Variants in XPO4 observed in about 807,000 individuals in gnomAD.
XPO4 encodes exportin 4.
Under a neutral mutation model 143.0 loss-of-function variants are expected in XPO4, and 39 were observed. That is an observed-to-expected ratio of 0.27 (90% CI 0.21 to 0.36). XPO4 has a LOEUF of 0.36. Ranked by LOEUF, XPO4 falls within the 10% of genes least tolerant of loss-of-function variation. The probability of loss-of-function intolerance (pLI) is 1.00; values close to 1 mark genes in which losing one functional copy is unlikely to be tolerated. For synonymous variants in XPO4, 439 were observed against 474.0 expected, an observed-to-expected ratio of 0.93 and a Z score of 0.96; for missense variants, 907 against 1,348.0, an observed-to-expected ratio of 0.67 and a Z score of 5.12.
intron 7 of XPO4, among the ~76,000 whole-genome samples, chr13:20,822,911 A>T (rs1229975038): frequency 6.6e-6 from 1 of 152,220 alleles, no homozygotes; most frequent in Non-Finnish European, 1.5e-5. Flanking sequence ...ACTTAAATCC[A>T]TTTAAAGCTA....
At chr13:20,880,482 A>G (rs971272020) in intron 1 of XPO4, among the ~76,000 whole-genome samples, 11 of 152,196 alleles carry the variant, frequency 7.2e-5, no homozygotes, top group African/African-American at 2.4e-4. Context: ...GGAAGATAGT[A>G]TGGCAGTTCC....
rs918544300 is a variant in XPO4, at chr13:20,797,871, C to T, written c.2323-814G>A. Among the ~76,000 whole-genome samples, 11 of 152,258 alleles carry T rather than the reference C, an allele frequency of 7.2e-5. No individual in the cohort carries two copies. In the South Asian group the frequency reaches 1.0e-3, roughly 14 times the overall value. On this transcript the variant is annotated intron_variant, in intron 16 of 22. Transcript: ENST00000255305. ...GAACTTATTTGATAATAGAGTTGGC[C>T]GGATGCAGTGGCTCACACCTGTAAT...
intron 1 of XPO4, among the ~76,000 whole-genome samples, chr13:20,899,671 C>G (rs1409053985): frequency 6.6e-6 from 1 of 152,158 alleles, no homozygotes. Flanking sequence ...ATCTAAGATT[C>G]TTCTATGTTC....
chr13:20,785,935 G>T (rs1320106163), intron 22 of XPO4, among the ~76,000 whole-genome samples: 9 of 140,206 alleles, frequency 6.4e-5, no homozygotes, highest in Non-Finnish European at 1.1e-4. Context: ...GGAAAGAAAA[G>T]AAAAATGAAA....
intron 1 of XPO4, among the ~76,000 whole-genome samples, chr13:20,884,249 C>T (rs2060440586): frequency 1.3e-5 from 2 of 152,108 alleles, no homozygotes; most frequent in Admixed American, 6.6e-5. Flanking sequence ...GCATGATGGC[C>T]TCCACCTGTA....
intron 12 of XPO4, among the ~76,000 whole-genome samples, chr13:20,808,068 T>C (rs147349924): frequency 1.1e-3 from 172 of 152,262 alleles, no homozygotes; most frequent in African/African-American, 3.9e-3. Context: ...ACTGCCTAGA[T>C]TTACATTCTG....
chr13:20,871,846 A>G, intron 1 of XPO4, among the ~76,000 whole-genome samples: 1 of 141,472 alleles, frequency 7.1e-6, no homozygotes, highest in African/African-American at 3.2e-5. Flanking sequence ...AATGAAGATG[A>G]TATTCTATTT....
intron 9 of XPO4, among the ~76,000 whole-genome samples, chr13:20,813,092 GC>G (rs1405575020): frequency 1.3e-5 from 2 of 152,146 alleles, no homozygotes; most frequent in African/African-American, 4.8e-5. Flanking sequence ...GCATGTCTTA[GC>G]ATGGCAGAGC....
rs531864767 is a variant in XPO4, at chr13:20,800,398, C to T, written c.1978-73G>A. 44 of 1,452,816 alleles carry T rather than the reference C, an allele frequency of 3.0e-5. 1 individual carries two copies. The highest frequency in any genetic ancestry group is 9.3e-5 in the East Asian group (4 of 43,142). The allele number at this position is 1,452,816 out of a possible 1,614,324, so 90.0% of individuals were successfully genotyped here. A position where few individuals can be genotyped will look rare whatever the true frequency, so the allele number is the denominator to read the frequency against. ...CAAGAAAAAAAAAACAGAGAAAAAT[C>T]GAACTGAAATTAGTATCTAATCTGA... On this transcript the variant is annotated intron_variant, in intron 14 of 22. Coordinates refer to ENST00000255305, the MANE Select transcript of XPO4 (RefSeq NM_022459.5).
intron 1 of XPO4, among the ~76,000 whole-genome samples, chr13:20,882,058 C>T (rs2060415227): frequency 7.0e-6 from 1 of 142,948 alleles, no homozygotes. Context: ...TGCAGTGAGC[C>T]AAGATCACAC....
In XPO4 at chr13:20,783,858, T is replaced by G. The variant is rs778888515; in HGVS notation, c.3320A>C (p.Gln1107Pro). 6.2e-7 allele frequency: 1 copy of G among 1,614,214 alleles called. No homozygotes were observed. The highest frequency in any genetic ancestry group is 8.5e-7 in the Non-Finnish European group (1 of 1,180,020). Reference sequence around the variant, plus strand: ...CTTGTTGAAGGCATCTGCTAATCTCTGGTAAATAACTGGGTCTTGCTGACT... The same window carrying G: ...CTTGTTGAAGGCATCTGCTAATCTCGGGTAAATAACTGGGTCTTGCTGACT... ...LSSQQDPVIY[Q>P]RLADAFNKLT... The change falls in exon 23 of 23, where the codon CAG (glutamine) becomes CCG (proline). Residue 1107 changes from glutamine to proline, a missense_variant. Transcript: ENST00000255305.
intron 6 of XPO4, among the ~76,000 whole-genome samples, chr13:20,833,229 T>G (rs1036904084): frequency 1.3e-5 from 2 of 152,150 alleles, no homozygotes; most frequent in Non-Finnish European, 2.9e-5. Context: ...AAATATTTGC[T>G]GAGCATCTGT....
chr13:20,783,244 C>A lies in XPO4; in HGVS notation c.*478G>T. 6.2e-6 allele frequency: 1 copy of A among 162,404 alleles called. No homozygotes were observed. The highest frequency in any genetic ancestry group is 1.3e-5 in the Non-Finnish European group (1 of 74,398). The allele number at this position is 162,404 out of a possible 1,614,324, so 10.1% of individuals were successfully genotyped here. ...TGGGCCCAACAACCAGACATTCTGA[C>A]TCTGAAGGTCTACAGTTGGGCCTAA... On this transcript the variant is annotated 3_prime_UTR_variant, in exon 23 of 23. Coordinates refer to ENST00000255305, the MANE Select transcript of XPO4 (RefSeq NM_022459.5).
chr13:20,819,335 T>C (rs2059689603), intron 9 of XPO4, among the ~76,000 whole-genome samples: 1 of 152,178 alleles, frequency 6.6e-6, no homozygotes, highest in African/African-American at 2.4e-5. Flanking sequence ...CTCATATCTT[T>C]AATATGCCTC....
At chr13:20,823,807 G>A (rs1390702694) in intron 7 of XPO4, among the ~76,000 whole-genome samples, 1 of 152,070 alleles carries the variant, frequency 6.6e-6, no homozygotes, top group Non-Finnish European at 1.5e-5. Context: ...ACGTGCCACG[G>A]CGCCTGGCTA....
chr13:20,855,108 C>T (rs1461560573), intron 4 of XPO4, among the ~76,000 whole-genome samples: 1 of 151,858 alleles, frequency 6.6e-6, no homozygotes, highest in Non-Finnish European at 1.5e-5. Context: ...ATGGAAAATA[C>T]AGAATCAAAC....
chr13:20,897,554 T>C (rs1482548672), intron 1 of XPO4, among the ~76,000 whole-genome samples: 25 of 152,154 alleles, frequency 1.6e-4, no homozygotes, highest in Non-Finnish European at 7.4e-5. Context: ...TTTGCCTTTC[T>C]CCACTCCTTG....
chr13:20,825,288 T>G (rs1407560414), intron 7 of XPO4, among the ~76,000 whole-genome samples: 3 of 152,232 alleles, frequency 2.0e-5, no homozygotes, highest in Admixed American at 6.5e-5. Context: ...CTTGCTCTTA[T>G]GCAACAGTAT....
rs2138101504 is a variant in XPO4, at chr13:20,855,726, T to G, written c.357A>C (p.Val119=). 2.5e-6 allele frequency: 4 copies of G among 1,608,582 alleles called. No individual in the cohort carries two copies. The highest frequency in any genetic ancestry group is 2.2e-5 in the East Asian group (1 of 44,742). The change falls in exon 4 of 23, where the codon GTA becomes GTC. Residue 119 remains valine (V), a synonymous_variant. Transcript: ENST00000255305. ...KYVREQILLA[V]AVIVKRGSLD... Reference sequence around the variant, plus strand: ...ATGATCCTCTTTTTACAATTACTGCTACTGCTAGTAGAATCTGTTCCCGAA... The same window carrying G: ...ATGATCCTCTTTTTACAATTACTGCGACTGCTAGTAGAATCTGTTCCCGAA...
Sources: gnomAD v4.1 joint callset for allele counts (sites outside exome capture counted in the v4.1 genomes callset) on GRCh38, gnomAD v4.1.1 for gene constraint, MANE v1.5 for transcripts, NCBI Gene and HGNC (gene_info 2026-07-23, HGNC 2026-07-21) for gene names.